ERG: variants seen among roughly 807,000 people sequenced by gnomAD.
The protein encoded by ERG is ETS transcription factor ERG.
Under a neutral mutation model 55.3 loss-of-function variants are expected in ERG, and 9 were observed. That is an observed-to-expected ratio of 0.16 (90% CI 0.10 to 0.28). The LOEUF (loss-of-function observed/expected upper bound fraction) is 0.28. Ranked by LOEUF, ERG falls within the 10% of genes least tolerant of loss-of-function variation. The pLI, the probability that ERG is intolerant of heterozygous loss-of-function variation, is 1.00. For missense variants in ERG, 434 were observed against 631.6 expected, an observed-to-expected ratio of 0.69 and a Z score of 3.35; for synonymous variants, 223 against 237.3, an observed-to-expected ratio of 0.94 and a Z score of 0.55.
chr21:38,603,087 C>A (rs1352489892), intron 1 of ERG, among the ~76,000 whole-genome samples: 1 of 151,908 alleles, frequency 6.6e-6, no homozygotes, highest in East Asian at 1.9e-4. Context: ...TATGAATACT[C>A]AATGACATCA....
intron 2 of ERG, among the ~76,000 whole-genome samples, chr21:38,558,250 G>A (rs1198061307): frequency 6.6e-6 from 1 of 152,110 alleles, no homozygotes; most frequent in Non-Finnish European, 1.5e-5. Context: ...ATGGAGAAAG[G>A]GGACCAACCA....
At chr21:38,639,148 A>G (rs1340110909) in intron 1 of ERG, among the ~76,000 whole-genome samples, 1 of 152,118 alleles carries the variant, frequency 6.6e-6, no homozygotes, top group Non-Finnish European at 1.5e-5. Flanking sequence ...GTCCCCAATG[A>G]CATAGTCAGG....
At chr21:38,522,822 T>C (rs996569899) in intron 2 of ERG, among the ~76,000 whole-genome samples, 2 of 152,230 alleles carry the variant, frequency 1.3e-5, no homozygotes, top group African/African-American at 4.8e-5. Context: ...AAGACAGAGT[T>C]GTTACTCTCA....
intron 2 of ERG, among the ~76,000 whole-genome samples, chr21:38,444,740 A>AC (rs1569104800): frequency 7.2e-6 from 1 of 138,958 alleles, no homozygotes; most frequent in Non-Finnish European, 1.6e-5. Flanking sequence ...AAAAAAAAAA[A>AC]CAAACAGCAG....
intron 2 of ERG, among the ~76,000 whole-genome samples, chr21:38,437,773 C>A (rs952085884): frequency 1.3e-5 from 2 of 152,128 alleles, no homozygotes; most frequent in African/African-American, 4.8e-5. Flanking sequence ...CAACTATACC[C>A]AGGATGCGAC....
At chr21:38,555,551 C>T (rs971167376) in intron 2 of ERG, among the ~76,000 whole-genome samples, 4 of 151,940 alleles carry the variant, frequency 2.6e-5, no homozygotes, top group South Asian at 2.1e-4. Flanking sequence ...ACATCCTTAA[C>T]ATAATTTTCT....
In ERG at chr21:38,656,547, C is replaced by T. The variant is rs758266521; in HGVS notation, c.-150+5111G>A. Reference sequence around the variant, plus strand: ...CCAGGCGTGCAGAAAAATGTGCACGCTCCAATTTAGTCTTTCTTTTACTTT... The same window carrying T: ...CCAGGCGTGCAGAAAAATGTGCACGTTCCAATTTAGTCTTTCTTTTACTTT... On this transcript the variant is annotated intron_variant, in intron 1 of 10. Coordinates refer to the ERG transcript ENST00000398910. 3.9e-4 allele frequency among the ~76,000 whole-genome samples: 59 copies of T among 152,272 alleles called. 1 individual carries two copies. Among genetic ancestry groups the T allele is most frequent in the Non-Finnish European group, 7.8e-4 (53 of 68,024 alleles).
At chr21:38,439,555 A>G (rs954633882) in intron 2 of ERG, among the ~76,000 whole-genome samples, 3 of 152,200 alleles carry the variant, frequency 2.0e-5, no homozygotes, top group African/African-American at 4.8e-5. Context: ...TAGAGTGAAG[A>G]AAGGGAGAGG....
intron 6 of ERG, 79 bp from the exon 7 acceptor site, chr21:38,392,523 G>A: frequency 9.8e-7 from 1 of 1,019,014 alleles, no homozygotes; most frequent in Non-Finnish European, 1.4e-6. Context: ...ATTTGATTTT[G>A]TATTTATTAG....
intron 2 of ERG, among the ~76,000 whole-genome samples, chr21:38,540,543 G>A (rs1888475): frequency 0.22 from 32,926 of 152,032 alleles, 3,722 homozygotes; most frequent in East Asian, 0.29. Context: ...ATTCCCCTGT[G>A]AGGCCATGAG....
At chr21:38,402,691 G>T in intron 4 of ERG, 54 bp from the exon 5 acceptor site, 11 of 484,326 alleles carry the variant, frequency 2.3e-5, no homozygotes, top group South Asian at 4.0e-5. Context: ...GAGAGAGAGA[G>T]AAAGAGAATT....
the ERG span, among the ~76,000 whole-genome samples, chr21:38,368,607 A>G: frequency 3.9e-5 from 6 of 152,150 alleles, no homozygotes; most frequent in Admixed American, 3.3e-4. Flanking sequence ...ACTGTATCAG[A>G]CTTTTTTTTA....
intron 2 of ERG, among the ~76,000 whole-genome samples, chr21:38,543,287 A>G (rs2059765596): frequency 6.6e-6 from 1 of 152,084 alleles, no homozygotes; most frequent in African/African-American, 2.4e-5. Flanking sequence ...CCCCTTGGTC[A>G]TATACCCACA....
At chr21:38,610,365 G>A (rs1164766230) in intron 1 of ERG, among the ~76,000 whole-genome samples, 3 of 152,210 alleles carry the variant, frequency 2.0e-5, no homozygotes, top group African/African-American at 4.8e-5. Context: ...ACTGCCATGC[G>A]GGCTTCTATG....
chr21:38,501,061 C>CTTTTTTTTTT (rs34639260), upstream of ERG, among the ~76,000 whole-genome samples: 1 of 81,186 alleles, frequency 1.2e-5, no homozygotes, highest in African/African-American at 5.0e-5. Flanking sequence ...CAAGGCACAT[C>CTTTTTTTTTT]TTTTTTTTTT....
At chr21:38,527,239 G>A (rs2059636372) in intron 2 of ERG, among the ~76,000 whole-genome samples, 1 of 152,322 alleles carries the variant, frequency 6.6e-6, no homozygotes, top group East Asian at 1.9e-4. Context: ...AGTGCGGCAA[G>A]AATGTGTTCT....
chr21:38,441,608 T>C (rs2058841577), intron 2 of ERG, among the ~76,000 whole-genome samples: 1 of 152,194 alleles, frequency 6.6e-6, no homozygotes, highest in African/African-American at 2.4e-5. Context: ...GGAGACACAC[T>C]GAGCTCTGGG....
chr21:38,502,504 G>T, upstream of ERG: 1 of 159,760 alleles, frequency 6.3e-6, no homozygotes, highest in South Asian at 1.6e-4. Context: ...ATCCCTTTAT[G>T]AATCTTGTCA....
chr21:38,656,163 C>T (rs1314217004), intron 1 of ERG, among the ~76,000 whole-genome samples: 14 of 152,058 alleles, frequency 9.2e-5, no homozygotes, highest in Admixed American at 9.2e-4. Context: ...CAGAGAGGTT[C>T]AGGCTCCAAA....
Sources: gnomAD v4.1 joint callset for allele counts (sites outside exome capture counted in the v4.1 genomes callset) on GRCh38, gnomAD v4.1.1 for gene constraint, MANE v1.5 for transcripts, NCBI Gene and HGNC (gene_info 2026-07-23, HGNC 2026-07-21) for gene names.